The following AGBL1 variants were observed in gnomAD, a reference collection of about 807,000 sequenced individuals.
AGBL1 encodes the protein cytosolic carboxypeptidase 4.
A neutral mutation model predicts 118.9 loss-of-function variants in AGBL1; 130 were observed. The observed-to-expected ratio is 1.09, with a 90% CI of 0.95 to 1.26. The LOEUF is 1.26. AGBL1 is among the 50% of genes most tolerant of loss of function. The pLI is 0.00. For synonymous variants in AGBL1, 555 were observed against 478.9 expected (o/e 1.16, Z -2.08); for missense variants, 1,584 against 1,298.1 (o/e 1.22, Z -3.38).
In AGBL1 at chr15:86,946,866, A is replaced by G. The variant is rs570597960; in HGVS notation, c.3222-41121A>G. Among the ~76,000 whole-genome samples, 681 of 150,966 alleles carry G rather than the reference A, an allele frequency of 4.5e-3. 2 individuals are homozygous for G. The highest frequency in any genetic ancestry group is 7.2e-3 in the Non-Finnish European group (490 of 67,652). On this transcript the variant is annotated intron_variant, in intron 23 of 24. Transcript: ENST00000441037. The stretch of plus-strand genomic sequence containing the variant: ...TCCAAAAAAAAAAAAAAAAAACAAA[A>G]TAGAAAAGAAAGAAAAAGAAATACT...
Position 86,908,742 on chromosome 15 carries a change from T to C in AGBL1, c.*1448T>C, listed in dbSNP as rs985907344. ...GTGTACGAGACCTGCGAAGAAAGGA[T>C]GAGAAGGGACGACAAAGGCAGTGGT... On this transcript the variant is annotated 3_prime_UTR_variant, in exon 23 of 23. Transcript: ENST00000614907. The C allele has an allele frequency of 1.3e-5, 2 of 152,322 alleles. No homozygotes were observed. The highest frequency in any genetic ancestry group is 1.9e-4 in the East Asian group (1 of 5,178). 9.4% of individuals were successfully genotyped at this position (152,322 alleles called of 1,614,324 possible).
intron 18 of AGBL1, among the ~76,000 whole-genome samples, chr15:86,461,035 A>G (rs925157806): frequency 6.6e-6 from 1 of 152,142 alleles, no homozygotes; most frequent in Admixed American, 6.5e-5. Context: ...TTTGTTTTGG[A>G]TATGAGCTAA....
chr15:86,303,415 T>C, intron 17 of AGBL1, among the ~76,000 whole-genome samples: 1 of 151,796 alleles, frequency 6.6e-6, no homozygotes, highest in Non-Finnish European at 1.5e-5. Flanking sequence ...TGGCTGAGAG[T>C]AGGTATGAAG....
rs529409410 is a variant in AGBL1, at chr15:86,209,121, T to C, written c.489-15793T>C. Among the ~76,000 whole-genome samples, 5 of 152,282 alleles carry C rather than the reference T, an allele frequency of 3.3e-5. No homozygotes were observed. In the South Asian group the frequency reaches 8.3e-4, roughly 25 times the overall value. On this transcript the variant is annotated intron_variant, in intron 5 of 22. Coordinates refer to ENST00000614907, the MANE Select transcript of AGBL1 (RefSeq NM_001386094.1). ...GTTGTTCAGTTTCCATGGAGTTGTG[T>C]GGTTTTGAGTGAGTTTCTTAATCCT...
intron 22 of AGBL1, among the ~76,000 whole-genome samples, chr15:86,857,201 A>G (rs924988652): frequency 2.6e-5 from 4 of 152,154 alleles, no homozygotes; most frequent in Non-Finnish European, 5.9e-5. Flanking sequence ...TTCAGCTATT[A>G]CTGTCCAACT....
At position 86,293,053 on chromosome 15, in the gene AGBL1, C is replaced by T. The variant is rs559604661; in HGVS notation, c.2221-2202C>T. ...CCATAGAATTATCTGGTAATCTTTTCTTTTCTTGGCACTTTTTCTTTTTCC... is the reference window on the plus strand; with the variant it reads ...CCATAGAATTATCTGGTAATCTTTTTTTTTCTTGGCACTTTTTCTTTTTCC... On this transcript the variant is annotated intron_variant, in intron 16 of 22. Coordinates refer to ENST00000614907, the MANE Select transcript of AGBL1 (RefSeq NM_001386094.1). Among the ~76,000 whole-genome samples, 4 of 152,292 alleles carry T rather than the reference C, an allele frequency of 2.6e-5. No homozygotes were observed. In the East Asian group the frequency reaches 7.7e-4, roughly 29 times the overall value.
intron 21 of AGBL1, among the ~76,000 whole-genome samples, chr15:86,646,563 C>T (rs1276091130): frequency 1.3e-5 from 2 of 152,112 alleles, no homozygotes; most frequent in Non-Finnish European, 2.9e-5. Context: ...AGACTCTGTG[C>T]CCTGAGTTTG....
At chr15:86,603,632 A>T (rs913943143) in intron 21 of AGBL1, among the ~76,000 whole-genome samples, 17 of 152,302 alleles carry the variant, frequency 1.1e-4, no homozygotes, top group African/African-American at 3.8e-4. Context: ...TATTGAATCG[A>T]ATCTCTCAGA....
intron 22 of AGBL1, among the ~76,000 whole-genome samples, chr15:86,752,269 A>G (rs2077865905): frequency 6.6e-6 from 1 of 151,952 alleles, no homozygotes; most frequent in Non-Finnish European, 1.5e-5. Flanking sequence ...ATATATTCCA[A>G]TCTTTCTGAT....
intron 20 of AGBL1, among the ~76,000 whole-genome samples, chr15:86,549,876 G>C (rs1271234669): frequency 1.2e-4 from 17 of 138,006 alleles, no homozygotes; most frequent in Non-Finnish European, 2.2e-4. Flanking sequence ...GAAGGGTGGG[G>C]AGGGGAGTGG....
chr15:86,464,185 T>C (rs572730883), intron 18 of AGBL1, among the ~76,000 whole-genome samples: 1 of 152,330 alleles, frequency 6.6e-6, no homozygotes, highest in South Asian at 2.1e-4. Context: ...CCAGGTATTT[T>C]ATTCTCTTTG....
chr15:86,411,869 G>A (rs993808806), intron 18 of AGBL1, among the ~76,000 whole-genome samples: 1 of 152,124 alleles, frequency 6.6e-6, no homozygotes, highest in South Asian at 2.1e-4. Context: ...GATTACAGCA[G>A]GATTTTAAAA....
rs539946237 is a variant in AGBL1 at position 86,204,583 on chromosome 15, T to C, written c.489-20331T>C. 1.9e-4 allele frequency among the ~76,000 whole-genome samples: 29 copies of C among 151,640 alleles called. 1 individual carries two copies. Among genetic ancestry groups the C allele is most frequent in the African/African-American group, 6.8e-4 (28 of 41,462 alleles). The stretch of plus-strand genomic sequence containing the variant: ...GCTTGCTCTTTCATTTGTTCATTCA[T>C]TGGTTCGTTTAGTTTTGTTTTTTTG... On this transcript the variant is annotated intron_variant, in intron 5 of 22. Coordinates refer to ENST00000614907, the MANE Select transcript of AGBL1 (RefSeq NM_001386094.1).
intron 21 of AGBL1, among the ~76,000 whole-genome samples, chr15:86,631,418 T>C (rs1288475599): frequency 3.9e-5 from 6 of 152,290 alleles, no homozygotes; most frequent in Middle Eastern, 6.8e-3. Flanking sequence ...AAGTCAAAGA[T>C]AAAGGAACTC....
chr15:86,127,409 A>T (rs959202483), intron 1 of AGBL1, among the ~76,000 whole-genome samples: 1 of 152,204 alleles, frequency 6.6e-6, no homozygotes, highest in Non-Finnish European at 1.5e-5. Context: ...AACTTGGAAA[A>T]TTGCCTTCTG....
chr15:86,106,077 A>G (rs1364150483), intron 1 of AGBL1, among the ~76,000 whole-genome samples: 1 of 152,238 alleles, frequency 6.6e-6, no homozygotes, highest in Non-Finnish European at 1.5e-5. Flanking sequence ...TTTTATGACT[A>G]GTAATGTGCA....
At chr15:86,220,015 A>G (rs1036010530) in intron 5 of AGBL1, among the ~76,000 whole-genome samples, 3 of 140,044 alleles carry the variant, frequency 2.1e-5, no homozygotes, top group Non-Finnish European at 4.5e-5. Context: ...GCAGTGGCAC[A>G]ATCTTGGTTC....
intron 5 of AGBL1, among the ~76,000 whole-genome samples, chr15:86,223,595 T>C (rs2078312475): frequency 6.6e-6 from 1 of 152,180 alleles, no homozygotes; most frequent in Admixed American, 6.5e-5. Context: ...GGAAAACCGT[T>C]TGAAGGATAA....
At chr15:86,818,708 A>G (rs2078899114) in intron 22 of AGBL1, among the ~76,000 whole-genome samples, 1 of 152,150 alleles carries the variant, frequency 6.6e-6, no homozygotes, top group Non-Finnish European at 1.5e-5. Context: ...AAAGGGGAAA[A>G]TGCATTTCTG....
Sources: gnomAD v4.1 joint callset for allele counts (sites outside exome capture counted in the v4.1 genomes callset) on GRCh38, gnomAD v4.1.1 for gene constraint, MANE v1.5 for transcripts, NCBI Gene and HGNC (gene_info 2026-07-23, HGNC 2026-07-21) for gene names.